The following ITGA6 variants were observed in gnomAD, a reference collection of about 807,000 sequenced individuals.
ITGA6 encodes integrin alpha-6.
Under a neutral mutation model 133.6 loss-of-function variants are expected in ITGA6, and 63 were observed. That is an observed-to-expected ratio of 0.47 (90% CI 0.38 to 0.58). The LOEUF (loss-of-function observed/expected upper bound fraction) is 0.58. ITGA6 is among the 20% of genes least tolerant of loss of function. The pLI is 0.00. For synonymous variants in ITGA6, 434 were observed against 482.0 expected, an observed-to-expected ratio of 0.90 and a Z score of 1.30; for missense variants, 1,068 against 1,309.4, an observed-to-expected ratio of 0.82 and a Z score of 2.85.
At chr2:172,446,808 G>A (rs115598376) in intron 1 of ITGA6, among the ~76,000 whole-genome samples, 4,298 of 152,314 alleles carry the variant, frequency 0.028, 86 homozygotes, top group Middle Eastern at 0.068. Context: ...TTTCCTTGCT[G>A]CAGTAGACAG....
At chr2:172,444,830 G>C (rs920283182) in intron 1 of ITGA6, among the ~76,000 whole-genome samples, 57 of 151,642 alleles carry the variant, frequency 3.8e-4, no homozygotes, top group Admixed American at 9.9e-4. Flanking sequence ...TAGCTCCCGT[G>C]CTATGGCCAC....
At chr2:172,475,156 T>C in intron 7 of ITGA6, 34 bp downstream of exon 7, 2 of 1,304,398 alleles carry the variant, frequency 1.5e-6, no homozygotes, top group Non-Finnish European at 2.2e-6. Context: ...CTATGATTTA[T>C]AGATTATTTG....
At chr2:172,465,270 C>A (rs1443830164) in intron 1 of ITGA6, 14 of 527,304 alleles carry the variant, frequency 2.7e-5, no homozygotes, top group Non-Finnish European at 4.8e-5. Context: ...CCAGATCATA[C>A]CCAGCAAGAA....
upstream of ITGA6, chr2:172,427,337 T>C: frequency 3.0e-6 from 3 of 997,584 alleles, no homozygotes; most frequent in Non-Finnish European, 3.6e-6. Flanking sequence ...CCTCGCTCTG[T>C]GCTACTCGGC....
intron 1 of ITGA6, among the ~76,000 whole-genome samples, chr2:172,444,896 T>A (rs945569543): frequency 6.6e-6 from 1 of 152,064 alleles, no homozygotes; most frequent in Admixed American, 6.5e-5. Context: ...TATTCTTAAA[T>A]CTGTAAGTGC....
chr2:172,463,477 T>C (rs1685518838), intron 1 of ITGA6, among the ~76,000 whole-genome samples: 1 of 152,300 alleles, frequency 6.6e-6, no homozygotes, highest in Admixed American at 6.5e-5. Context: ...ACAGTTTTGG[T>C]TGTGATGTTT....
At chr2:172,453,920 C>A (rs1378000508) in intron 1 of ITGA6, among the ~76,000 whole-genome samples, 1 of 152,144 alleles carries the variant, frequency 6.6e-6, no homozygotes, top group African/African-American at 2.4e-5. Flanking sequence ...GCCCCTGCCC[C>A]CATGGAGCTG....
chr2:172,429,776 CTG>C (rs1684034101), intron 1 of ITGA6, among the ~76,000 whole-genome samples: 1 of 152,168 alleles, frequency 6.6e-6, no homozygotes, highest in South Asian at 2.1e-4. Flanking sequence ...TATAAGGAGA[CTG>C]TATGTTTCCT....
At chr2:172,431,750 C>T (rs148339452) in intron 1 of ITGA6, among the ~76,000 whole-genome samples, 49 of 152,294 alleles carry the variant, frequency 3.2e-4, no homozygotes, top group Admixed American at 2.5e-3. Context: ...GCGAGACTTA[C>T]AGGAAGTCTT....
chr2:172,472,840 C>T (rs750638538), intron 5 of ITGA6: 3 of 1,612,736 alleles, frequency 1.9e-6, no homozygotes, highest in Non-Finnish European at 2.5e-6. Context: ...ACACGGCCTC[C>T]CCGGGAGCAG....
intron 1 of ITGA6, among the ~76,000 whole-genome samples, chr2:172,462,304 A>G (rs10188909): frequency 0.076 from 11,595 of 152,214 alleles, 575 homozygotes; most frequent in African/African-American, 0.15. Context: ...TGCTTCCTCC[A>G]TCCCCTGTGG....
chr2:172,471,339 A>G (rs1208439156), intron 5 of ITGA6, among the ~76,000 whole-genome samples: 1 of 152,068 alleles, frequency 6.6e-6, no homozygotes, highest in Non-Finnish European at 1.5e-5. Context: ...ACCTCTTATC[A>G]CCTAAAATCA....
At position 172,465,545 on chromosome 2, in the gene ITGA6, C is replaced by T. The variant is rs748573831; in HGVS notation, c.189C>T (p.Leu63=). 138 of 1,614,094 alleles carry T rather than the reference C, an allele frequency of 8.5e-5. 1 individual carries two copies. The highest frequency in any genetic ancestry group is 1.0e-4 in the Non-Finnish European group (120 of 1,180,040). ...GTCTCTGTTTCATCAACAGGTTGCT[C>T]GTGGGGGCCCCGCGGGCAGAAGCGC... is the stretch of plus-strand genomic sequence containing the variant. ...QLQPEDKRLL[L]VGAPRAEALP... Residue 63 remains leucine, a synonymous_variant, in exon 2 of 26, where the codon CTC becomes CTT. Coordinates refer to ENST00000684293, the MANE Select transcript of ITGA6 (RefSeq NM_000210.4).
At chr2:172,498,129 TAACA>T in intron 24 of ITGA6, 29 bp downstream of exon 24, 1 of 1,601,204 alleles carries the variant, frequency 6.2e-7, no homozygotes, top group Non-Finnish European at 8.6e-7. Flanking sequence ...TTGAATTTCA[TAACA>T]AACTTTATTT....
At chr2:172,496,441 A>AT (rs1354117084) in intron 23 of ITGA6, among the ~76,000 whole-genome samples, 1 of 152,218 alleles carries the variant, frequency 6.6e-6, no homozygotes, top group Admixed American at 6.5e-5. Flanking sequence ...GCTTTTAAGT[A>AT]TTTTTTGTAA....
chr2:172,459,895 C>T (rs1685361770), intron 1 of ITGA6, among the ~76,000 whole-genome samples: 1 of 152,030 alleles, frequency 6.6e-6, no homozygotes, highest in Non-Finnish European at 1.5e-5. Flanking sequence ...GGAGTGTGAG[C>T]CAAGATGAGA....
At chr2:172,475,452 A>C in intron 7 of ITGA6, 145 bp from the exon 8 acceptor site, 2 of 681,974 alleles carry the variant, frequency 2.9e-6, no homozygotes, top group Non-Finnish European at 2.7e-6. Flanking sequence ...AACAGGAGCG[A>C]AACTCCATCT....
rs773696478 is a variant in ITGA6 at position 172,504,133 on chromosome 2, C to G, written c.*65C>G. The G allele has an allele frequency of 2.1e-5, 33 of 1,600,074 alleles. No individual in the cohort carries two copies. The highest frequency in any genetic ancestry group is 2.7e-5 in the Non-Finnish European group (32 of 1,172,678). On this transcript the variant is annotated 3_prime_UTR_variant, in exon 26 of 26. Coordinates refer to ENST00000684293, the MANE Select transcript of ITGA6 (RefSeq NM_000210.4). ...CTCTAGGTACGATGACAGTGTTCCCCGATACCATGCTGTAAGGATCCGGAA... is the reference window on the plus strand; with the variant it reads ...CTCTAGGTACGATGACAGTGTTCCCGGATACCATGCTGTAAGGATCCGGAA...
intron 23 of ITGA6, among the ~76,000 whole-genome samples, chr2:172,492,981 T>G (rs1686984300): frequency 6.6e-6 from 1 of 152,280 alleles, no homozygotes; most frequent in Middle Eastern, 3.4e-3. Context: ...CAAACACAGC[T>G]CACTGCAGCC....
Sources: gnomAD v4.1 joint callset for allele counts (sites outside exome capture counted in the v4.1 genomes callset) on GRCh38, gnomAD v4.1.1 for gene constraint, MANE v1.5 for transcripts, NCBI Gene and HGNC (gene_info 2026-07-23, HGNC 2026-07-21) for gene names.